Variants in ABHD3 observed in about 807,000 individuals in gnomAD.
ABHD3 encodes the protein abhydrolase domain containing 3, phospholipase.
A neutral mutation model predicts 48.8 loss-of-function variants in ABHD3; 46 were observed. The ratio of observed to expected loss-of-function variants is 0.94; its 90% CI spans 0.74 to 1.20. The LOEUF is 1.20. ABHD3 is among the 50% of genes most tolerant of loss of function. ABHD3 has a pLI of 0.00. For missense variants in ABHD3, 490 were observed against 497.8 expected (o/e 0.98, Z 0.15); for synonymous variants, 192 against 183.7 (o/e 1.04, Z -0.36).
chr18:21,700,826 C>CAAAAAAA (rs2040490394), intron 3 of ABHD3, among the ~76,000 whole-genome samples: 1 of 61,348 alleles, frequency 1.6e-5, no homozygotes, highest in African/African-American at 1.4e-4. Context: ...TAAGTTTTAG[C>CAAAAAAA]CAAAAAAAAA....
intron 3 of ABHD3, among the ~76,000 whole-genome samples, chr18:21,687,776 A>G (rs2040160542): frequency 6.6e-6 from 1 of 152,178 alleles, no homozygotes; most frequent in South Asian, 2.1e-4. Flanking sequence ...ATGAAGGTTA[A>G]ATAAAAGGAA....
intron 4 of ABHD3, among the ~76,000 whole-genome samples, chr18:21,665,743 T>C (rs1005791333): frequency 1.0e-4 from 15 of 147,124 alleles, no homozygotes; most frequent in South Asian, 2.1e-4. Context: ...ACCCGGGAGG[T>C]GGAGCTTGCA....
At chr18:21,673,662 C>G (rs975494566) in intron 4 of ABHD3, 4 of 152,348 alleles carry the variant, frequency 2.6e-5, no homozygotes, top group Admixed American at 2.0e-4. Context: ...GGCTGGAGTG[C>G]AGTGGCAGTC....
At chr18:21,678,633 C>T (rs1319661521) in intron 4 of ABHD3, among the ~76,000 whole-genome samples, 1 of 143,808 alleles carries the variant, frequency 7.0e-6, no homozygotes, top group East Asian at 2.0e-4. Context: ...TAAATTATTC[C>T]TAAACTAAGT....
chr18:21,674,550 A>C (rs1254938089), intron 4 of ABHD3, among the ~76,000 whole-genome samples: 1 of 152,138 alleles, frequency 6.6e-6, no homozygotes, highest in Non-Finnish European at 1.5e-5. Flanking sequence ...ACCTGGTCAC[A>C]ATCTTCTACG....
At chr18:21,665,520 A>T (rs183663086) in intron 4 of ABHD3, among the ~76,000 whole-genome samples, 8 of 152,184 alleles carry the variant, frequency 5.3e-5, no homozygotes, top group African/African-American at 1.9e-4. Flanking sequence ...ATTATTTATT[A>T]AAAAACAAAC....
chr18:21,694,476 C>T (rs1181448356), intron 3 of ABHD3, among the ~76,000 whole-genome samples: 2 of 152,128 alleles, frequency 1.3e-5, no homozygotes, highest in South Asian at 2.1e-4. Context: ...AAATGATGAA[C>T]GGTGACATCC....
At chr18:21,693,655 T>C (rs2040303365) in intron 3 of ABHD3, among the ~76,000 whole-genome samples, 1 of 152,214 alleles carries the variant, frequency 6.6e-6, no homozygotes, top group African/African-American at 2.4e-5. Flanking sequence ...TAACTTTTTC[T>C]GGAATACCAA....
rs75526872 is a variant in ABHD3 at position 21,668,981 on chromosome 18, G to C, written c.556-4751C>G. Reference sequence around the variant, plus strand: ...CATATGCCTGTAGTCCCAGGTACTCGGGAGGCTGAGGTGGGCCAATCGCTT... The same window carrying C: ...CATATGCCTGTAGTCCCAGGTACTCCGGAGGCTGAGGTGGGCCAATCGCTT... On this transcript the variant is annotated intron_variant, in intron 4 of 8. Transcript: ENST00000289119. Among the ~76,000 whole-genome samples the C allele has an allele frequency of 9.3e-3, 1,411 of 152,166 alleles. 23 individuals are homozygous for C. The highest frequency in any genetic ancestry group is 0.032 in the African/African-American group (1,324 of 41,518).
chr18:21,652,080 G>A (rs1002709413), intron 8 of ABHD3, among the ~76,000 whole-genome samples: 1 of 152,140 alleles, frequency 6.6e-6, no homozygotes, highest in African/African-American at 2.4e-5. Flanking sequence ...ACAATTCAAG[G>A]AATGGTGAAT....
In ABHD3 at chr18:21,657,172, G is replaced by A; in HGVS notation, c.843-20C>T. The A allele has an allele frequency of 6.3e-7, 1 of 1,587,896 alleles. No individual in the cohort carries two copies. Among genetic ancestry groups the A allele is most frequent in the Non-Finnish European group, 8.6e-7 (1 of 1,168,676 alleles). ...CGGTGCCTGGAACAAAAGAATTTCG[G>A]AAGTAAAAATCAAGATCATTCCTAC... is the stretch of plus-strand genomic sequence containing the variant. On this transcript the variant is annotated intron_variant, in intron 6 of 8. Coordinates refer to ENST00000289119, the MANE Select transcript of ABHD3 (RefSeq NM_138340.5).
chr18:21,652,399 G>A (rs968675199), intron 8 of ABHD3, among the ~76,000 whole-genome samples: 3 of 151,024 alleles, frequency 2.0e-5, no homozygotes, highest in African/African-American at 7.3e-5. Context: ...AATAAAGAAC[G>A]AAAGAAAGAG....
At position 21,651,576 on chromosome 18, in the gene ABHD3, C is replaced by T. The variant is rs773475066; in HGVS notation, c.*15G>A. 2.5e-6 allele frequency: 4 copies of T among 1,612,786 alleles called. No individual in the cohort carries two copies. In the East Asian group the frequency reaches 8.9e-5, roughly 36 times the overall value. ...CAATTGTGGTTCAGACAAAATGCAC[C>T]CAAAGAACTACATGTTAAGAGAGTT... On this transcript the variant is annotated 3_prime_UTR_variant, in exon 9 of 9. Coordinates refer to ENST00000289119, the MANE Select transcript of ABHD3 (RefSeq NM_138340.5).
chr18:21,652,700 G>T (rs182966076), intron 8 of ABHD3, among the ~76,000 whole-genome samples: 10 of 148,604 alleles, frequency 6.7e-5, no homozygotes, highest in Non-Finnish European at 1.5e-5. Context: ...GCTTGAACCC[G>T]GGAGGCGGAG....
intron 2 of ABHD3, 75 bp from the exon 3 acceptor site, chr18:21,702,573 G>C: frequency 1.6e-6 from 2 of 1,241,276 alleles, no homozygotes; most frequent in South Asian, 1.7e-5. Flanking sequence ...CTAAACACAT[G>C]ACATTATTTG....
chr18:21,664,892 C>T (rs2039586717), intron 4 of ABHD3, among the ~76,000 whole-genome samples: 1 of 152,160 alleles, frequency 6.6e-6, no homozygotes, highest in African/African-American at 2.4e-5. Context: ...GCTTTGGCCC[C>T]CCAACGTGTT....
At chr18:21,678,921 G>A (rs939029222) in intron 4 of ABHD3, among the ~76,000 whole-genome samples, 1 of 152,176 alleles carries the variant, frequency 6.6e-6, no homozygotes, top group African/African-American at 2.4e-5. Context: ...AGGACAGAAT[G>A]GCAGTGGAAA....
intron 3 of ABHD3, among the ~76,000 whole-genome samples, chr18:21,686,606 G>C (rs1225275288): frequency 6.6e-6 from 1 of 152,216 alleles, no homozygotes; most frequent in Non-Finnish European, 1.5e-5. Context: ...GCTCTTGCTA[G>C]AGGACGAATT....
chr18:21,668,731 T>C (rs11662661), intron 4 of ABHD3, among the ~76,000 whole-genome samples: 3,494 of 152,264 alleles, frequency 0.023, 55 homozygotes, highest in South Asian at 0.042. Flanking sequence ...GGGGCTGATT[T>C]TTCCCTAAAC....
Sources: allele counts gnomAD v4.1 joint callset (sites outside exome capture counted in the v4.1 genomes callset), GRCh38; gene constraint gnomAD v4.1.1; transcripts MANE v1.5; gene names NCBI Gene and HGNC (gene_info 2026-07-23, HGNC 2026-07-21).